ADAMTS17: variants seen among roughly 807,000 people sequenced by gnomAD.
The protein encoded by ADAMTS17 is ADAM metallopeptidase with thrombospondin type 1 motif 17, also known as A disintegrin and metalloproteinase with thrombospondin motifs 17.
Under a neutral mutation model 141.5 loss-of-function variants are expected in ADAMTS17, and 113 were observed. The observed-to-expected ratio is 0.80, with a 90% CI of 0.69 to 0.93. The LOEUF is 0.93. Among genes scored for constraint, ADAMTS17 ranks in the 40% least tolerant of loss-of-function variants. The pLI, the probability that ADAMTS17 is intolerant of heterozygous loss-of-function variation, is 0.00. For missense variants in ADAMTS17, 1,659 were observed against 1,517.9 expected, an observed-to-expected ratio of 1.09 and a Z score of -1.54; for synonymous variants, 768 against 630.6, an observed-to-expected ratio of 1.22 and a Z score of -3.27.
At chr15:100,212,280 A>C (rs1442994489) in intron 7 of ADAMTS17, among the ~76,000 whole-genome samples, 1 of 151,996 alleles carries the variant, frequency 6.6e-6, no homozygotes, top group African/African-American at 2.4e-5. Flanking sequence ...GGTAGAGAGG[A>C]CTCTGCCCCC....
At chr15:100,340,387 A>G (rs926322725) in intron 2 of ADAMTS17, among the ~76,000 whole-genome samples, 1 of 152,166 alleles carries the variant, frequency 6.6e-6, no homozygotes, top group African/African-American at 2.4e-5. Context: ...TTTATCACCA[A>G]TGTAAACACC....
At chr15:100,266,123 G>A (rs117218787) in intron 4 of ADAMTS17, among the ~76,000 whole-genome samples, 1,706 of 152,280 alleles carry the variant, frequency 0.011, 15 homozygotes, top group Non-Finnish European at 0.017. Context: ...CTCCACGGTC[G>A]TTAAGGAAGC....
At chr15:100,293,009 G>A (rs939359194) in intron 3 of ADAMTS17, among the ~76,000 whole-genome samples, 6 of 152,198 alleles carry the variant, frequency 3.9e-5, no homozygotes, top group African/African-American at 9.7e-5. Context: ...TGGCAAATGC[G>A]ATCATGAATT....
intron 2 of ADAMTS17, 44 bp downstream of exon 2, chr15:100,340,995 G>A (rs1328489221): frequency 5.9e-6 from 9 of 1,516,742 alleles, no homozygotes; most frequent in Non-Finnish European, 7.9e-6. Flanking sequence ...ACTCTGCGTC[G>A]CAACAGACCG....
At chr15:100,095,604 C>T (rs907634098) in intron 15 of ADAMTS17, among the ~76,000 whole-genome samples, 3 of 152,148 alleles carry the variant, frequency 2.0e-5, no homozygotes, top group South Asian at 2.1e-4. Flanking sequence ...GGTGAGTGCA[C>T]ACTCGCTAAG....
intron 15 of ADAMTS17, among the ~76,000 whole-genome samples, chr15:100,080,121 C>T (rs996769740): frequency 2.8e-5 from 4 of 144,152 alleles, no homozygotes; most frequent in African/African-American, 1.2e-4. Flanking sequence ...CACCACTCAC[C>T]ATCACCCCTA....
At chr15:99,977,609 C>A (rs534774481) in intron 20 of ADAMTS17, among the ~76,000 whole-genome samples, 2 of 150,576 alleles carry the variant, frequency 1.3e-5, no homozygotes, top group South Asian at 2.1e-4. Flanking sequence ...AGAGACAGGG[C>A]TTCATCATAT....
intron 8 of ADAMTS17, among the ~76,000 whole-genome samples, chr15:100,185,237 C>T (rs929583421): frequency 7.9e-5 from 12 of 152,198 alleles, no homozygotes; most frequent in Admixed American, 2.6e-4. Context: ...ATGGAGAGAA[C>T]GACAGGAATT....
At chr15:100,245,606 G>T (rs1427862381) in intron 7 of ADAMTS17, among the ~76,000 whole-genome samples, 1 of 152,144 alleles carries the variant, frequency 6.6e-6, no homozygotes, top group Non-Finnish European at 1.5e-5. Context: ...ACACAACCCT[G>T]GCAGGAAGAA....
chr15:100,128,920 T>C (rs1466436392), intron 12 of ADAMTS17: 5 of 152,230 alleles, frequency 3.3e-5, no homozygotes, highest in Non-Finnish European at 7.3e-5. Flanking sequence ...GAAAGCCTTG[T>C]CTTTGGGCTA....
At chr15:100,133,637 G>A (rs576874813) in intron 10 of ADAMTS17, among the ~76,000 whole-genome samples, 2 of 152,170 alleles carry the variant, frequency 1.3e-5, no homozygotes, top group Non-Finnish European at 2.9e-5. Flanking sequence ...CCTCCCAGGA[G>A]TGATGAGCAA....
chr15:100,188,061 G>T (rs1313249467), intron 8 of ADAMTS17, among the ~76,000 whole-genome samples: 1 of 152,076 alleles, frequency 6.6e-6, no homozygotes, highest in Admixed American at 6.5e-5. Flanking sequence ...TCCAGCCTGG[G>T]TGACAGAGCG....
intron 13 of ADAMTS17, among the ~76,000 whole-genome samples, chr15:100,110,321 G>C (rs2036691585): frequency 6.7e-6 from 1 of 150,278 alleles, no homozygotes; most frequent in African/African-American, 2.5e-5. Context: ...CTAGAGTGCA[G>C]TGGCGCGATC....
At chr15:100,058,190 C>CA (rs1567101553) in intron 15 of ADAMTS17, among the ~76,000 whole-genome samples, 5 of 64,862 alleles carry the variant, frequency 7.7e-5, no homozygotes, top group Admixed American at 1.4e-4. Context: ...TCTAACACCC[C>CA]TATCCCAGCT....
intron 3 of ADAMTS17, among the ~76,000 whole-genome samples, chr15:100,301,491 A>C (rs980065045): frequency 7.5e-6 from 1 of 133,320 alleles, no homozygotes; most frequent in Non-Finnish European, 1.6e-5. Flanking sequence ...CACCGGGCTA[A>C]TTTTTTTTTT....
At chr15:100,003,106 C>T (rs1414937332) in intron 18 of ADAMTS17, among the ~76,000 whole-genome samples, 2 of 152,078 alleles carry the variant, frequency 1.3e-5, no homozygotes, top group Non-Finnish European at 2.9e-5. Flanking sequence ...CAAGCTCCAC[C>T]TGCCGAGAGC....
At chr15:100,115,120 C>T (rs921068240) in intron 13 of ADAMTS17, among the ~76,000 whole-genome samples, 9 of 152,066 alleles carry the variant, frequency 5.9e-5, no homozygotes, top group African/African-American at 1.7e-4. Flanking sequence ...TCTGGCATGC[C>T]GGGGAAAGCT....
chr15:100,040,679 C>CAAA (rs113073664), intron 18 of ADAMTS17, among the ~76,000 whole-genome samples: 22 of 102,716 alleles, frequency 2.1e-4, no homozygotes, highest in African/African-American at 6.1e-4. Flanking sequence ...GTCAAATGAC[C>CAAA]AAAAAAAAAA....
At chr15:100,141,685 T>G (rs1016606996) in intron 10 of ADAMTS17, among the ~76,000 whole-genome samples, 4 of 152,024 alleles carry the variant, frequency 2.6e-5, no homozygotes, top group Non-Finnish European at 5.9e-5. Flanking sequence ...CGGGTGAGGG[T>G]GGGGCCCAGG....
Sources: gnomAD v4.1 joint callset for allele counts (sites outside exome capture counted in the v4.1 genomes callset) on GRCh38, gnomAD v4.1.1 for gene constraint, MANE v1.5 for transcripts, NCBI Gene and HGNC (gene_info 2026-07-23, HGNC 2026-07-21) for gene names.